PWP1: variants seen among roughly 807,000 people sequenced by gnomAD.
The protein encoded by PWP1 is PWP1 homolog, endonuclein, also known as periodic tryptophan protein 1 homolog.
PWP1 carries 47 observed loss-of-function variants against 69.9 expected under a neutral mutation model. The observed-to-expected ratio is 0.67, with a 90% CI of 0.53 to 0.86. PWP1 has a LOEUF of 0.86. PWP1 is among the 40% of genes least tolerant of loss of function. The pLI is 0.00. For missense variants in PWP1, 551 were observed against 608.8 expected (o/e 0.91, Z 1.00); for synonymous variants, 222 against 208.2 (o/e 1.07, Z -0.57).
At chr12:107,703,585 A>G (rs1181659239) in intron 9 of PWP1, 100 bp from the exon 10 acceptor site, 3 of 1,001,658 alleles carry the variant, frequency 3.0e-6, no homozygotes, top group East Asian at 2.4e-5. Flanking sequence ...AGAGGGACGC[A>G]TTTATAGAAA....
intron 8 of PWP1, among the ~76,000 whole-genome samples, chr12:107,702,341 C>T (rs957284011): frequency 2.0e-5 from 3 of 151,906 alleles, no homozygotes; most frequent in Non-Finnish European, 2.9e-5. Context: ...AGTCCAGTGA[C>T]GTGATCTTGG....
rs561746846 is a variant in PWP1, at chr12:107,708,525, G to A, written c.1078-401G>A. Among the ~76,000 whole-genome samples the A allele has an allele frequency of 2.5e-4, 38 of 152,168 alleles. No homozygotes were observed. In the South Asian group the frequency reaches 7.9e-3, roughly 32 times the overall value. ...ATTTCTCTGCCACACTGGTCGATTT[G>A]ACTGTTGGTCACGCCTTGGTTCCTT... On this transcript the variant is annotated intron_variant, in intron 11 of 14. Coordinates refer to ENST00000412830, the MANE Select transcript of PWP1 (RefSeq NM_007062.3).
At chr12:107,692,302 TTTC>T (rs1314768461) in intron 3 of PWP1, among the ~76,000 whole-genome samples, 5 of 152,258 alleles carry the variant, frequency 3.3e-5, no homozygotes, top group African/African-American at 1.2e-4. Flanking sequence ...GCATACTGCA[TTTC>T]TTTTTTCATA....
intron 1 of PWP1, among the ~76,000 whole-genome samples, chr12:107,688,060 A>AAAAAAAAAG (rs1889406545): frequency 7.1e-6 from 1 of 140,326 alleles, no homozygotes; most frequent in East Asian, 2.0e-4. Context: ...AAAAAAAAAA[A>AAAAAAAAAG]GAACAGAGGA....
intron 11 of PWP1, 43 bp downstream of exon 11, chr12:107,704,790 A>G (rs1425471543): frequency 4.0e-6 from 6 of 1,503,066 alleles, no homozygotes; most frequent in Admixed American, 1.7e-5. Flanking sequence ...TAGGTTGCTA[A>G]TGACTTTTTA....
In PWP1 at chr12:107,696,553, G is replaced by C; in HGVS notation, c.582G>C (p.Leu194=). 6.2e-7 allele frequency: 1 copy of C among 1,614,112 alleles called. No individual in the cohort carries two copies. The highest frequency in any genetic ancestry group is 8.5e-7 in the Non-Finnish European group (1 of 1,180,000). The change falls in exon 6 of 15, where the codon CTG becomes CTC. Residue 194 remains leucine (L), a synonymous_variant. Transcript: ENST00000412830. ...LSAYPLSVEW[L]NFDPSPDDST... ...CATATCCTCTGAGTGTGGAATGGCT[G>C]AATTTTGATCCTAGCCCAGATGATT...
At position 107,688,493 on chromosome 12, in the gene PWP1, A is replaced by G; in HGVS notation, c.118A>G (p.Lys40Glu). 6.2e-7 allele frequency: 1 copy of G among 1,614,116 alleles called. No homozygotes were observed. The highest frequency in any genetic ancestry group is 1.1e-5 in the South Asian group (1 of 91,056). ...AGTAAAACGCCTCATTGCTGAGGCA[A>G]AGGAGAAATTGCAGTAAGTTTAGGA... Reference protein sequence around the residue: ...EEVKRLIAEAKEKLQEEGGGS... With the variant: ...EEVKRLIAEAEEKLQEEGGGS... The change falls in exon 2 of 15, where the codon AAG becomes GAG. Residue 40 changes from lysine to glutamate, a missense_variant. Physicochemically the swap from Lys to Glu is moderately conservative, Grantham distance 56. Coordinates refer to ENST00000412830, the MANE Select transcript of PWP1 (RefSeq NM_007062.3).
chr12:107,693,966 A>G (rs1389072827), intron 5 of PWP1, among the ~76,000 whole-genome samples: 1 of 152,214 alleles, frequency 6.6e-6, no homozygotes. Flanking sequence ...TGGAACCAAA[A>G]CATCGTGATC....
At position 107,701,534 on chromosome 12, in the gene PWP1, C is replaced by T. The variant is rs73398383; in HGVS notation, c.807-1401C>T. Among the ~76,000 whole-genome samples the T allele has an allele frequency of 6.9e-3, 1,046 of 152,206 alleles. 13 individuals are homozygous for T. The highest frequency in any genetic ancestry group is 0.024 in the African/African-American group (985 of 41,546). The stretch of plus-strand genomic sequence containing the variant: ...CTTAAGTCAGGGTCATGAAGGTTTA[C>T]ATGTATGTTTTCTTCTGAGTTTTAT... On this transcript the variant is annotated intron_variant, in intron 8 of 14. Transcript: ENST00000412830.
At position 107,687,514 on chromosome 12, in the gene PWP1, A is replaced by T. The variant is rs181792193; in HGVS notation, c.73-934A>T. ...AAGATTCCCTAGGTGATTCTGATGT[A>T]CAGATAAGTCTGGGAACCACTATTT... is the stretch of plus-strand genomic sequence containing the variant. On this transcript the variant is annotated intron_variant, in intron 1 of 14. Coordinates refer to ENST00000412830, the MANE Select transcript of PWP1 (RefSeq NM_007062.3). 2.0e-5 allele frequency among the ~76,000 whole-genome samples: 3 copies of T among 152,340 alleles called. No homozygotes were observed. In the East Asian group the frequency reaches 5.8e-4, roughly 29 times the overall value.
chr12:107,708,098 C>T (rs1006596551), intron 11 of PWP1, among the ~76,000 whole-genome samples: 15 of 152,132 alleles, frequency 9.9e-5, no homozygotes, highest in African/African-American at 2.7e-4. Context: ...ATGATCATTC[C>T]AGTTGTACTT....
intron 14 of PWP1, among the ~76,000 whole-genome samples, chr12:107,710,777 AT>A (rs1372192271): frequency 6.6e-6 from 1 of 152,318 alleles, no homozygotes; most frequent in Admixed American, 6.5e-5. Context: ...CAAGTGCAGA[AT>A]GTGTGTCCTG....
In PWP1 at chr12:107,685,915, C is replaced by T. The variant is rs1593138632; in HGVS notation, c.16C>T (p.Gln6Ter). The change falls in exon 1 of 15, where the codon CAG (glutamine) becomes TAG (stop). Residue 6 changes from glutamine to a stop codon, truncating the protein, a stop_gained. Coordinates refer to ENST00000412830, the MANE Select transcript of PWP1 (RefSeq NM_007062.3). LOFTEE classifies it high-confidence loss of function. The part of the protein sequence containing the change: MNRSR[Q>*]VTCVAWVRCG... ...CTTGAGGACCATGAACCGCAGCCGC[C>T]AGGTGACGTGCGTGGCCTGGGTCCG... The T allele has an allele frequency of 6.2e-7, 1 of 1,613,914 alleles. No individual in the cohort carries two copies.
At position 107,697,533 on chromosome 12, in the gene PWP1, CTTTA is replaced by C. The variant is rs1267821262; in HGVS notation, c.681_684del (p.Leu228SerfsTer39). ...GTGTGGGACCTTGATATAGTGGACT[CTTTA>C]GAGCCAGTCTTCACACTCGGAAGTA... On this transcript the variant is annotated frameshift_variant, in exon 7 of 15. Coordinates refer to ENST00000412830, the MANE Select transcript of PWP1 (RefSeq NM_007062.3). LOFTEE classifies it high-confidence loss of function. The C allele has an allele frequency of 3.7e-6, 6 of 1,610,510 alleles. No individual in the cohort carries two copies. The highest frequency in any genetic ancestry group is 5.1e-6 in the Non-Finnish European group (6 of 1,178,826).
chr12:107,707,609 CTGT>C (rs1174721539), intron 11 of PWP1, among the ~76,000 whole-genome samples: 3 of 152,080 alleles, frequency 2.0e-5, no homozygotes, highest in African/African-American at 7.2e-5. Context: ...GCATGAAGGG[CTGT>C]TGAATTTTGT....
At chr12:107,695,023 A>G (rs982931835) in intron 5 of PWP1, among the ~76,000 whole-genome samples, 3 of 151,784 alleles carry the variant, frequency 2.0e-5, no homozygotes, top group East Asian at 3.9e-4. Context: ...TGGGAGGCCA[A>G]GGCGGGCGGA....
intron 5 of PWP1, among the ~76,000 whole-genome samples, chr12:107,693,591 T>G (rs1889527214): frequency 6.6e-6 from 1 of 152,070 alleles, no homozygotes; most frequent in Admixed American, 6.6e-5. Context: ...CAAGGCTGGG[T>G]GCGGTGTCTC....
At chr12:107,702,384 T>A (rs1889731647) in intron 8 of PWP1, among the ~76,000 whole-genome samples, 1 of 151,964 alleles carries the variant, frequency 6.6e-6, no homozygotes, top group Non-Finnish European at 1.5e-5. Context: ...GGGTTCAAGC[T>A]ATTCTCGTGC....
At chr12:107,711,732 G>GGTTATTCTGATGT (rs1457239249) in intron 14 of PWP1, among the ~76,000 whole-genome samples, 2 of 151,990 alleles carry the variant, frequency 1.3e-5, no homozygotes, top group African/African-American at 2.4e-5. Flanking sequence ...TTTTTCTCTG[G>GGTTATTCTGATGT]GTTATTCTGA....
Sources: allele counts gnomAD v4.1 joint callset (sites outside exome capture counted in the v4.1 genomes callset), GRCh38; gene constraint gnomAD v4.1.1; transcripts MANE v1.5; gene names NCBI Gene and HGNC (gene_info 2026-07-23, HGNC 2026-07-21).